Variants in KMO observed in about 807,000 individuals in gnomAD.
KMO encodes the protein kynurenine 3-monooxygenase.
A neutral mutation model predicts 57.8 loss-of-function variants in KMO; 24 were observed. The observed-to-expected ratio is 0.42, with a 90% CI of 0.30 to 0.58. KMO has a LOEUF of 0.58. Ranked by LOEUF, KMO falls within the 20% of genes least tolerant of loss-of-function variation. KMO has a pLI of 0.22. For missense variants in KMO, 483 were observed against 588.2 expected (o/e 0.82, Z 1.85); for synonymous variants, 210 against 193.6 (o/e 1.08, Z -0.70).
intron 10 of KMO, among the ~76,000 whole-genome samples, chr1:241,586,191 CTTTTTTTTTTTT>C (rs386370217): frequency 2.4e-4 from 19 of 80,060 alleles, no homozygotes; most frequent in Non-Finnish European, 3.2e-4. Flanking sequence ...AGTCTATGGT[CTTTTTTTTTTTT>C]TTTTTTTTTT....
In KMO at chr1:241,537,742, G is replaced by A. The variant is rs150457348; in HGVS notation, c.54+5244G>A. On this transcript the variant is annotated intron_variant, in intron 1 of 14. Transcript: ENST00000366559. ...TCTTACATGGTGGCAGGCAAGAGAC[G>A]GCATGCAGGGGAACTCTCCTTTATA... Among the ~76,000 whole-genome samples, 311 of 152,178 alleles carry A rather than the reference G, an allele frequency of 2.0e-3. 1 individual carries two copies. The highest frequency in any genetic ancestry group is 6.6e-3 in the African/African-American group (274 of 41,524).
intron 11 of KMO, among the ~76,000 whole-genome samples, chr1:241,587,397 C>T (rs1334420678): frequency 6.6e-6 from 1 of 152,150 alleles, no homozygotes; most frequent in African/African-American, 2.4e-5. Flanking sequence ...GACAGTCACC[C>T]TACAACACAT....
intron 12 of KMO, 26 bp from the exon 13 acceptor site, chr1:241,589,986 G>A (rs1263716111): frequency 1.2e-5 from 19 of 1,561,280 alleles, no homozygotes; most frequent in South Asian, 4.4e-5. Context: ...GTTCAAAAGC[G>A]TTCTTTAAGA....
At chr1:241,567,618 G>A (rs1662131827) in intron 9 of KMO, among the ~76,000 whole-genome samples, 2 of 152,062 alleles carry the variant, frequency 1.3e-5, no homozygotes. Context: ...CTTTAAAATG[G>A]GTATCTACCA....
Position 241,594,230 on chromosome 1 carries a change from C to G in KMO, c.*2077C>G. ...CAAGTGGTTTTTTCATTATGTAAAG[C>G]ACCCGTTGAATTAAAAGAATTTGTT... On this transcript the variant is annotated 3_prime_UTR_variant, in exon 15 of 15. Coordinates refer to ENST00000366559, the MANE Select transcript of KMO (RefSeq NM_003679.5). The G allele has an allele frequency of 1.9e-6, 1 of 530,518 alleles. No homozygotes were observed. 32.9% of individuals were successfully genotyped at this position (530,518 alleles called of 1,614,324 possible).
Position 241,594,624 on chromosome 1 carries a change from A to G in KMO, c.*2471A>G, listed in dbSNP as rs775386951. On this transcript the variant is annotated 3_prime_UTR_variant, in exon 15 of 15. Transcript: ENST00000366559. ...CTGCATTTCACTTCCAGCTGCTGGTAGGTCTTTAGCAGGCCTCTGGCACCT... is the reference window on the plus strand; with the variant it reads ...CTGCATTTCACTTCCAGCTGCTGGTGGGTCTTTAGCAGGCCTCTGGCACCT... 1 of 1,614,134 alleles carries G rather than the reference A, an allele frequency of 6.2e-7. No individual in the cohort carries two copies. Among genetic ancestry groups the G allele is most frequent in the Non-Finnish European group, 8.5e-7 (1 of 1,179,978 alleles).
chr1:241,543,892 A>G (rs1487017831), intron 1 of KMO, among the ~76,000 whole-genome samples: 1 of 152,188 alleles, frequency 6.6e-6, no homozygotes, highest in East Asian at 1.9e-4. Context: ...CAACCTTAGA[A>G]GTATTGAGGC....
At chr1:241,578,599 AG>A (rs1662625117) in intron 10 of KMO, among the ~76,000 whole-genome samples, 1 of 152,204 alleles carries the variant, frequency 6.6e-6, no homozygotes, top group Admixed American at 6.5e-5. Context: ...GCTCAGATGG[AG>A]GGGAGTGACA....
intron 1 of KMO, among the ~76,000 whole-genome samples, chr1:241,534,967 T>A (rs567049776): frequency 0.026 from 3,760 of 144,704 alleles, 69 homozygotes; most frequent in Middle Eastern, 0.11. Context: ...ACACTTTGGG[T>A]TTTTTTTTTT....
At chr1:241,538,118 G>A (rs1660811907) in intron 1 of KMO, among the ~76,000 whole-genome samples, 1 of 152,136 alleles carries the variant, frequency 6.6e-6, no homozygotes, top group South Asian at 2.1e-4. Context: ...GGTGGTCTGA[G>A]CATGCATAAT....
At chr1:241,590,977 G>T (rs1414989157) in intron 14 of KMO, among the ~76,000 whole-genome samples, 1 of 152,168 alleles carries the variant, frequency 6.6e-6, no homozygotes, top group Non-Finnish European at 1.5e-5. Flanking sequence ...ATGGTCAGAG[G>T]GTGGAGGCGG....
Position 241,539,338 on chromosome 1 carries a change from C to T in KMO, c.54+6840C>T, listed in dbSNP as rs1029676738. Among the ~76,000 whole-genome samples the T allele has an allele frequency of 1.2e-4, 18 of 145,858 alleles. No individual in the cohort carries two copies. In the East Asian group the frequency reaches 1.6e-3, roughly 13 times the overall value. ...GGCAAAGGTTTCAGTGAGCTGAGATCGTGCCACTGCATTCCAGTCTGGGCA... is the reference window on the plus strand; with the variant it reads ...GGCAAAGGTTTCAGTGAGCTGAGATTGTGCCACTGCATTCCAGTCTGGGCA... On this transcript the variant is annotated intron_variant, in intron 1 of 14. Transcript: ENST00000366559.
chr1:241,588,345 T>C (rs1558432462), intron 11 of KMO, among the ~76,000 whole-genome samples: 1 of 144,188 alleles, frequency 6.9e-6, no homozygotes, highest in African/African-American at 2.6e-5. Context: ...TTTTTTTTTT[T>C]TTTTTTTTGG....
In KMO at chr1:241,590,197, C is replaced by T. The variant is rs1663197921; in HGVS notation, c.1201-7C>T. The T allele has an allele frequency of 1.9e-6, 3 of 1,612,516 alleles. No homozygotes were observed. Among genetic ancestry groups the T allele is most frequent in the African/African-American group, 1.3e-5 (1 of 74,880 alleles). On this transcript the variant is annotated splice_region_variant and splice_polypyrimidine_tract_variant and intron_variant, in intron 13 of 14. Transcript: ENST00000366559. ...TACACAAGAATACTTTTTAAACTTCCCTGCAGGTCACTTTTTCCAGAATAA... is the reference window on the plus strand; with the variant it reads ...TACACAAGAATACTTTTTAAACTTCTCTGCAGGTCACTTTTTCCAGAATAA...
chr1:241,581,602 G>GAAAAAAAGAAAA (rs1558429228), intron 10 of KMO, among the ~76,000 whole-genome samples: 2 of 151,928 alleles, frequency 1.3e-5, no homozygotes, highest in Non-Finnish European at 2.9e-5. Flanking sequence ...AAGAAAGAAA[G>GAAAAAAAGAAAA]AAGAAAAAAA....
In KMO at chr1:241,532,405, G is replaced by A. The variant is rs1660609606; in HGVS notation, c.-40G>A. 1.2e-6 allele frequency: 2 copies of A among 1,612,212 alleles called. No homozygotes were observed. Among genetic ancestry groups the A allele is most frequent in the Non-Finnish European group, 1.7e-6 (2 of 1,179,148 alleles). ...GACACAGAAATCAGTGTCACTCAGTGACAGAAGCAACAATAATTGTGAAAA... is the reference window on the plus strand; with the variant it reads ...GACACAGAAATCAGTGTCACTCAGTAACAGAAGCAACAATAATTGTGAAAA... On this transcript the variant is annotated 5_prime_UTR_variant, in exon 1 of 15. Coordinates refer to ENST00000366559, the MANE Select transcript of KMO (RefSeq NM_003679.5).
At chr1:241,562,829 A>G (rs1008572629) in intron 7 of KMO, among the ~76,000 whole-genome samples, 2 of 151,048 alleles carry the variant, frequency 1.3e-5, no homozygotes, top group Admixed American at 1.3e-4. Flanking sequence ...ACATAGCCCA[A>G]TCCTGTCTTG....
At chr1:241,556,986 G>A (rs958557280) in intron 5 of KMO, among the ~76,000 whole-genome samples, 11 of 152,044 alleles carry the variant, frequency 7.2e-5, no homozygotes, top group African/African-American at 1.7e-4. Context: ...AATCTTCAAG[G>A]CATTTCCATA....
intron 10 of KMO, among the ~76,000 whole-genome samples, chr1:241,582,443 T>C (rs1377263620): frequency 3.3e-5 from 5 of 152,194 alleles, no homozygotes; most frequent in African/African-American, 1.2e-4. Flanking sequence ...GGATCTTATA[T>C]GTATGCTTAA....
Sources: allele counts gnomAD v4.1 joint callset (sites outside exome capture counted in the v4.1 genomes callset), GRCh38; gene constraint gnomAD v4.1.1; transcripts MANE v1.5; gene names NCBI Gene and HGNC (gene_info 2026-07-23, HGNC 2026-07-21).